EML6: variants seen among roughly 807,000 people sequenced by gnomAD.
The protein encoded by EML6 is echinoderm microtubule-associated protein-like 6.
EML6 carries 154 observed loss-of-function variants against 240.1 expected under a neutral mutation model. That is an observed-to-expected ratio of 0.64 (90% CI 0.56 to 0.73). EML6 has a LOEUF of 0.73. Ranked by LOEUF, EML6 falls within the 30% of genes least tolerant of loss-of-function variation. The pLI, the probability that EML6 is intolerant of heterozygous loss-of-function variation, is 0.00. For missense variants in EML6, 2,964 were observed against 2,474.6 expected (o/e 1.20, Z -4.20); for synonymous variants, 1,148 against 899.0 (o/e 1.28, Z -4.95).
intron 2 of EML6, among the ~76,000 whole-genome samples, chr2:54,786,514 C>G (rs1199497529): frequency 2.0e-5 from 3 of 152,208 alleles, no homozygotes; most frequent in Admixed American, 6.5e-5. Flanking sequence ...CACCCGCTAC[C>G]TACCCCACCA....
rs113489194 is a variant in EML6 at position 54,745,258 on chromosome 2, G to A, written c.197+20000G>A. Among the ~76,000 whole-genome samples, 548 of 152,260 alleles carry A rather than the reference G, an allele frequency of 3.6e-3. 4 individuals are homozygous for A. The highest frequency in any genetic ancestry group is 0.013 in the African/African-American group (521 of 41,548). ...TCTTGGGACAGACTATTCTTTTAAG[G>A]GTAACTTCCCAAGGAGGGAACAGGT... On this transcript the variant is annotated intron_variant, in intron 2 of 41. Coordinates refer to ENST00000356458, the MANE Select transcript of EML6 (RefSeq NM_001039753.4).
intron 28 of EML6, among the ~76,000 whole-genome samples, chr2:54,933,220 G>T (rs954600970): frequency 2.6e-5 from 4 of 152,022 alleles, no homozygotes; most frequent in Non-Finnish European, 5.9e-5. Context: ...TGGGCCCCAG[G>T]ACTACCCTTG....
chr2:54,808,082 C>G (rs572131819), intron 2 of EML6, among the ~76,000 whole-genome samples: 3 of 152,342 alleles, frequency 2.0e-5, no homozygotes, highest in Admixed American at 1.3e-4. Flanking sequence ...GGGGTTCACA[C>G]AATTCAGGAA....
At chr2:54,858,063 T>C (rs939518743) in intron 11 of EML6, among the ~76,000 whole-genome samples, 5 of 152,252 alleles carry the variant, frequency 3.3e-5, no homozygotes, top group African/African-American at 1.2e-4. Context: ...GAAGCTTAGC[T>C]GGGTGATTCT....
At chr2:54,896,915 G>A (rs1672801478) in intron 21 of EML6, among the ~76,000 whole-genome samples, 1 of 152,286 alleles carries the variant, frequency 6.6e-6, no homozygotes, top group Middle Eastern at 3.4e-3. Flanking sequence ...AACAAACCTC[G>A]AAAGCTCTGC....
At position 54,957,979 on chromosome 2, in the gene EML6, T is replaced by C; in HGVS notation, c.4676T>C (p.Leu1559Pro). The C allele has an allele frequency of 3.2e-6, 5 of 1,550,900 alleles. No homozygotes were observed. The highest frequency in any genetic ancestry group is 4.4e-6 in the Non-Finnish European group (5 of 1,146,472). Residue 1559 changes from leucine (L) to proline (P), a missense_variant, in exon 33 of 42, where the codon CTC becomes CCC. Transcript: ENST00000356458. ...SLGAAKMQTMLSVAFGANNLT... is the reference protein window; with the variant it reads ...SLGAAKMQTMPSVAFGANNLT... ...GGAGCTGCCAAAATGCAGACGATGC[T>C]CTCCGTGGCCTTCGGTGCTGTGAGT...
chr2:54,835,098 C>T (rs1209263092), intron 7 of EML6, among the ~76,000 whole-genome samples: 1 of 152,198 alleles, frequency 6.6e-6, no homozygotes, highest in Admixed American at 6.5e-5. Context: ...ATGACTACTT[C>T]CCTCCTCTCC....
intron 2 of EML6, among the ~76,000 whole-genome samples, chr2:54,799,952 AT>A (rs1670030598): frequency 6.6e-6 from 1 of 152,152 alleles, no homozygotes; most frequent in Non-Finnish European, 1.5e-5. Flanking sequence ...TTATAAAGAG[AT>A]TTGGGGTTTC....
Position 54,933,381 on chromosome 2 carries a change from T to C in EML6, c.4004+4630T>C, listed in dbSNP as rs538407438. Among the ~76,000 whole-genome samples, 138 of 152,316 alleles carry C rather than the reference T, an allele frequency of 9.1e-4. 2 individuals are homozygous for C. The highest frequency in any genetic ancestry group is 3.2e-3 in the African/African-American group (135 of 41,574). ...GGACAGACCCAAAATAGAAAATGTC[T>C]ATTACAGTTCACCCTTTTCTTGTCA... On this transcript the variant is annotated intron_variant, in intron 28 of 41. Coordinates refer to ENST00000356458, the MANE Select transcript of EML6 (RefSeq NM_001039753.4).
intron 24 of EML6, among the ~76,000 whole-genome samples, chr2:54,907,548 C>T (rs1312309346): frequency 1.3e-5 from 2 of 152,102 alleles, no homozygotes; most frequent in African/African-American, 4.8e-5. Flanking sequence ...CATAATAGGA[C>T]ATTTCATTCC....
At chr2:54,941,787 A>C (rs1675440740) in intron 28 of EML6, among the ~76,000 whole-genome samples, 1 of 152,058 alleles carries the variant, frequency 6.6e-6, no homozygotes, top group Admixed American at 6.5e-5. Context: ...GGCGAGGAGC[A>C]CTCCTGCTCC....
intron 2 of EML6, among the ~76,000 whole-genome samples, chr2:54,799,504 C>G (rs919702006): frequency 6.6e-6 from 1 of 152,106 alleles, no homozygotes; most frequent in Non-Finnish European, 1.5e-5. Context: ...CACCACCACG[C>G]CCAGCTAATT....
chr2:54,856,229 C>G (rs1670369407), intron 11 of EML6, among the ~76,000 whole-genome samples: 1 of 152,136 alleles, frequency 6.6e-6, no homozygotes, highest in Non-Finnish European at 1.5e-5. Context: ...TCCCTGATAC[C>G]ACTTAGACTA....
intron 28 of EML6, among the ~76,000 whole-genome samples, chr2:54,944,484 C>T (rs1298540936): frequency 6.6e-6 from 1 of 152,160 alleles, no homozygotes; most frequent in Non-Finnish European, 1.5e-5. Flanking sequence ...AGTGCTTCAT[C>T]ATTCCTCTCT....
intron 3 of EML6, among the ~76,000 whole-genome samples, chr2:54,815,371 C>G (rs187327288): frequency 2.0e-5 from 3 of 152,056 alleles, no homozygotes; most frequent in African/African-American, 7.2e-5. Flanking sequence ...TCACTGGAAT[C>G]GAATGATATT....
At chr2:54,926,260 C>T (rs1674539819) in intron 26 of EML6, among the ~76,000 whole-genome samples, 1 of 152,206 alleles carries the variant, frequency 6.6e-6, no homozygotes, top group Non-Finnish European at 1.5e-5. Context: ...CACCACCATG[C>T]CCAGCTAATT....
intron 2 of EML6, among the ~76,000 whole-genome samples, chr2:54,789,407 G>T (rs566461217): frequency 3.2e-3 from 488 of 150,162 alleles, no homozygotes; most frequent in Non-Finnish European, 4.3e-3. Flanking sequence ...CCAGCTACTC[G>T]GGAGGCTGAG....
Position 54,882,873 on chromosome 2 carries a change from A to AAAAAAAAAAAAAAAAAAAAAAAAG in EML6, c.2438+3234_2438+3235insAAAAAAAAAAAAAAAAAAAAAAGA, listed in dbSNP as rs796515025. The AAAAAAAAAAAAAAAAAAAAAAAAG allele has an allele frequency of 1.7e-3, 190 of 112,280 alleles. 9 individuals carry two copies. The highest frequency in any genetic ancestry group is 2.4e-3 in the Non-Finnish European group (128 of 52,922). 7.0% of individuals were successfully genotyped at this position (112,280 alleles called of 1,614,324 possible). ...ACTCCGTCTCAAAAAAAAAAAAAAA[A>AAAAAAAAAAAAAAAAAAAAAAAAG]AGAAAGCTTAGGGACACACTAAGCT... is the stretch of plus-strand genomic sequence containing the variant. On this transcript the variant is annotated intron_variant, in intron 17 of 41. Coordinates refer to ENST00000356458, the MANE Select transcript of EML6 (RefSeq NM_001039753.4).
chr2:54,952,456 A>T (rs1218144912), intron 30 of EML6, 138 bp from the exon 31 acceptor site: 1 of 574,180 alleles, frequency 1.7e-6, no homozygotes, highest in African/African-American at 1.9e-5. Flanking sequence ...CCCAAGTGTG[A>T]TTCTGGAAGT....
Sources: gnomAD v4.1 joint callset for allele counts (sites outside exome capture counted in the v4.1 genomes callset) on GRCh38, gnomAD v4.1.1 for gene constraint, MANE v1.5 for transcripts, NCBI Gene and HGNC (gene_info 2026-07-23, HGNC 2026-07-21) for gene names.